MERTK: variants seen among roughly 807,000 people sequenced by gnomAD.
The protein encoded by MERTK is tyrosine-protein kinase Mer.
MERTK carries 69 observed loss-of-function variants against 99.3 expected under a neutral mutation model. The observed-to-expected ratio is 0.70, with a 90% CI of 0.57 to 0.85. The LOEUF (loss-of-function observed/expected upper bound fraction) is 0.85, where lower values mean the gene tolerates loss of function less well. Ranked by LOEUF, MERTK falls within the 40% of genes least tolerant of loss-of-function variation. The pLI, the probability that MERTK is intolerant of heterozygous loss-of-function variation, is 0.00. For missense variants in MERTK, 1,125 were observed against 1,249.4 expected, an observed-to-expected ratio of 0.90 and a Z score of 1.50; for synonymous variants, 426 against 467.6, an observed-to-expected ratio of 0.91 and a Z score of 1.15.
chr2:111,947,295 A>AAAAAAAAC, intron 3 of MERTK, 99 bp from the exon 4 acceptor site: 1 of 1,125,792 alleles, frequency 8.9e-7, no homozygotes, highest in Non-Finnish European at 1.3e-6. Flanking sequence ...ACAAAAAAAG[A>AAAAAAAAC]AATCTATTGC....
At chr2:112,009,705 A>G (rs1055575330) in intron 14 of MERTK, among the ~76,000 whole-genome samples, 1 of 152,176 alleles carries the variant, frequency 6.6e-6, no homozygotes, top group East Asian at 1.9e-4. Flanking sequence ...AGATGGCTAT[A>G]CTTGTTACAG....
In MERTK at chr2:111,898,730, C is replaced by T; in HGVS notation, c.-6C>T. 1.9e-6 allele frequency: 3 copies of T among 1,606,162 alleles called. No homozygotes were observed. The highest frequency in any genetic ancestry group is 2.2e-5 in the East Asian group (1 of 44,654). ...CGGAGAGAAATTACAGATCCGCAGC[C>T]CCGGGATGGGGCCGGCCCCGCTGCC... On this transcript the variant is annotated 5_prime_UTR_variant, in exon 1 of 19. Coordinates refer to ENST00000295408, the MANE Select transcript of MERTK (RefSeq NM_006343.3).
chr2:111,968,682 ACCATGCCCGG>A lies in MERTK; in HGVS notation c.960+432_960+441del, dbSNP rs375265205. ...GTAGCTGAGATTACAGGCGTGCATC[ACCATGCCCGG>A]CTAAGTTTGCATTTTTAGTAGAGAT... is the stretch of plus-strand genomic sequence containing the variant. On this transcript the variant is annotated intron_variant, in intron 6 of 18. Transcript: ENST00000295408. 8.6e-4 allele frequency among the ~76,000 whole-genome samples: 131 copies of A among 152,284 alleles called. 1 individual carries two copies. The highest frequency in any genetic ancestry group is 2.8e-3 in the African/African-American group (118 of 41,556).
chr2:111,905,343 A>G (rs1473471984), intron 1 of MERTK, among the ~76,000 whole-genome samples: 1 of 151,602 alleles, frequency 6.6e-6, no homozygotes, highest in Admixed American at 6.6e-5. Flanking sequence ...TGCTATGGCC[A>G]GGTCACCTCC....
chr2:111,929,573 A>G lies in MERTK; in HGVS notation c.482+33A>G, dbSNP rs1167039982. 3 of 904,848 alleles carry G rather than the reference A, an allele frequency of 3.3e-6. 1 individual carries two copies. The highest frequency in any genetic ancestry group is 4.8e-6 in the Non-Finnish European group (3 of 622,668). 56.1% of individuals were successfully genotyped at this position (904,848 alleles called of 1,614,324 possible). ...TTCTTTCTTCCTTTTTTATTTTTTT[A>G]GTTTTAATATTTATTTATTTATTTA... On this transcript the variant is annotated intron_variant, in intron 2 of 18. Transcript: ENST00000295408.
chr2:112,018,224 T>G (rs1677258400), intron 15 of MERTK, among the ~76,000 whole-genome samples: 1 of 152,214 alleles, frequency 6.6e-6, no homozygotes, highest in Non-Finnish European at 1.5e-5. Context: ...TACAATTATT[T>G]TTTAAGTGAC....
chr2:112,018,033 A>G (rs1319605278), intron 15 of MERTK, among the ~76,000 whole-genome samples: 2 of 152,210 alleles, frequency 1.3e-5, no homozygotes, highest in African/African-American at 2.4e-5. Flanking sequence ...AAGGGCTACA[A>G]TTGCATTTGT....
chr2:111,925,290 A>ATTTTTTTTTTTTTT (rs1336943200), intron 1 of MERTK, among the ~76,000 whole-genome samples: 1 of 31,504 alleles, frequency 3.2e-5, no homozygotes, highest in South Asian at 1.3e-3. Context: ...ATATATATAT[A>ATTTTTTTTTTTTTT]TATTTTTTTT....
chr2:111,929,986 C>T (rs1684641451), intron 2 of MERTK, among the ~76,000 whole-genome samples: 1 of 152,068 alleles, frequency 6.6e-6, no homozygotes, highest in Non-Finnish European at 1.5e-5. Flanking sequence ...ACCACTGGTC[C>T]CTTTAGAGAG....
intron 2 of MERTK, chr2:111,940,343 C>G: frequency 1.9e-6 from 1 of 517,492 alleles, no homozygotes; most frequent in Non-Finnish European, 3.9e-6. Flanking sequence ...GTCCTTGCAT[C>G]AGCAATAATT....
intron 8 of MERTK, among the ~76,000 whole-genome samples, chr2:111,983,716 A>G (rs10180345): frequency 0.64 from 96,646 of 152,094 alleles, 31,233 homozygotes; most frequent in African/African-American, 0.71. Context: ...TGTGTAGTGA[A>G]CAGCAAACAA....
At chr2:111,927,685 T>A (rs774364168) in intron 1 of MERTK, among the ~76,000 whole-genome samples, 8 of 152,056 alleles carry the variant, frequency 5.3e-5, no homozygotes, top group Admixed American at 4.6e-4. Context: ...AAAAAACAAT[T>A]ATTTGTTGTT....
At chr2:111,946,342 C>T (rs923268396) in intron 3 of MERTK, among the ~76,000 whole-genome samples, 1 of 152,148 alleles carries the variant, frequency 6.6e-6, no homozygotes, top group Non-Finnish European at 1.5e-5. Context: ...TCAAAAAAAC[C>T]TTGAAACAGG....
chr2:111,912,222 C>T (rs113265864), intron 1 of MERTK, among the ~76,000 whole-genome samples: 5,381 of 151,592 alleles, frequency 0.035, 304 homozygotes, highest in African/African-American at 0.12. Flanking sequence ...CTGGCCAGGC[C>T]GGTCTTGAAT....
rs764685292 is a variant in MERTK, at chr2:112,028,895, A to G, written c.*31A>G. On this transcript the variant is annotated 3_prime_UTR_variant, in exon 19 of 19. Coordinates refer to ENST00000295408, the MANE Select transcript of MERTK (RefSeq NM_006343.3). ...GGTGCGGGGAGACATTCCAAAAATC[A>G]AGCCAATTCTTCTGCTGTAGGAGAA... 1.1e-5 allele frequency: 17 copies of G among 1,613,324 alleles called. No homozygotes were observed. The highest frequency in any genetic ancestry group is 1.4e-5 in the Non-Finnish European group (17 of 1,180,026).
At chr2:112,001,403 A>C in intron 11 of MERTK, 117 bp downstream of exon 11, 1 of 829,666 alleles carries the variant, frequency 1.2e-6, no homozygotes, top group Non-Finnish European at 2.0e-6. Context: ...GGATATTTTT[A>C]ATGTACAAAA....
chr2:112,004,506 A>C (rs1676941222), intron 13 of MERTK, among the ~76,000 whole-genome samples: 1 of 152,224 alleles, frequency 6.6e-6, no homozygotes, highest in African/African-American at 2.4e-5. Context: ...AGTTGCTATC[A>C]TAAGCTAGAA....
intron 6 of MERTK, among the ~76,000 whole-genome samples, chr2:111,973,071 C>A (rs1676155965): frequency 6.6e-6 from 1 of 152,188 alleles, no homozygotes; most frequent in Non-Finnish European, 1.5e-5. Flanking sequence ...GGGCCACACA[C>A]TCCATTTCTA....
chr2:112,019,345 G>T, intron 15 of MERTK, 68 bp from the exon 16 acceptor site: 1 of 1,139,962 alleles, frequency 8.8e-7, no homozygotes, highest in Non-Finnish European at 1.3e-6. Flanking sequence ...TTCCCCCCCC[G>T]GCAGAAACTG....
Sources: allele counts gnomAD v4.1 joint callset (sites outside exome capture counted in the v4.1 genomes callset), GRCh38; gene constraint gnomAD v4.1.1; transcripts MANE v1.5; gene names NCBI Gene and HGNC (gene_info 2026-07-23, HGNC 2026-07-21).